The following SLC4A4 variants were observed in gnomAD, a reference collection of about 807,000 sequenced individuals.
SLC4A4 encodes electrogenic sodium bicarbonate cotransporter 1.
A neutral mutation model predicts 111.5 loss-of-function variants in SLC4A4; 27 were observed. That is an observed-to-expected ratio of 0.24 (90% CI 0.18 to 0.33). SLC4A4 has a LOEUF of 0.33. SLC4A4 is among the 10% of genes least tolerant of loss of function. SLC4A4 has a pLI of 1.00. For missense variants in SLC4A4, 909 were observed against 1,315.5 expected (o/e 0.69, Z 4.78); for synonymous variants, 443 against 463.4 (o/e 0.96, Z 0.57).
At chr4:71,399,157 G>T (rs2148981797) in intron 7 of SLC4A4, among the ~76,000 whole-genome samples, 1 of 152,256 alleles carries the variant, frequency 6.6e-6, no homozygotes, top group South Asian at 2.1e-4. Context: ...TTATATCAGA[G>T]TCTTTAGCAT....
intron 2 of SLC4A4, among the ~76,000 whole-genome samples, chr4:71,149,963 T>C (rs1744271426): frequency 6.6e-6 from 1 of 152,124 alleles, no homozygotes; most frequent in African/African-American, 2.4e-5. Flanking sequence ...ATGTTCTTTA[T>C]TTTTTTAAAA....
intron 23 of SLC4A4, among the ~76,000 whole-genome samples, chr4:71,561,899 G>T (rs892710786): frequency 5.3e-5 from 8 of 151,738 alleles, no homozygotes; most frequent in Non-Finnish European, 7.4e-5. Flanking sequence ...CAAATTTAAA[G>T]TTCATTACAC....
At chr4:71,472,108 C>G (rs571861967) in intron 13 of SLC4A4, among the ~76,000 whole-genome samples, 50 of 152,058 alleles carry the variant, frequency 3.3e-4, no homozygotes, top group African/African-American at 1.2e-3. Flanking sequence ...TGGCCTTGCT[C>G]TCTCTGGTCT....
At chr4:71,167,776 C>T (rs1744820869) in intron 2 of SLC4A4, among the ~76,000 whole-genome samples, 1 of 152,132 alleles carries the variant, frequency 6.6e-6, no homozygotes, top group African/African-American at 2.4e-5. Flanking sequence ...GAAAATGGCA[C>T]CATTTCCAAA....
At chr4:71,140,421 A>G (rs947614561) in intron 2 of SLC4A4, among the ~76,000 whole-genome samples, 5 of 151,988 alleles carry the variant, frequency 3.3e-5, no homozygotes, top group African/African-American at 1.2e-4. Context: ...ACCCTGTTGC[A>G]AAAACAAAAC....
intron 16 of SLC4A4, among the ~76,000 whole-genome samples, chr4:71,509,632 C>T (rs1731730239): frequency 6.6e-6 from 1 of 152,104 alleles, no homozygotes; most frequent in Non-Finnish European, 1.5e-5. Flanking sequence ...GAACTGGGAA[C>T]ATTTGTGCAT....
intron 2 of SLC4A4, among the ~76,000 whole-genome samples, chr4:71,164,233 A>C (rs1160901789): frequency 6.6e-6 from 1 of 152,086 alleles, no homozygotes; most frequent in Non-Finnish European, 1.5e-5. Flanking sequence ...ATAAAAAAAT[A>C]AGCTGGGCAT....
At chr4:71,270,121 C>T (rs929780786) in intron 3 of SLC4A4, among the ~76,000 whole-genome samples, 6 of 152,216 alleles carry the variant, frequency 3.9e-5, no homozygotes, top group Non-Finnish European at 4.4e-5. Context: ...AAGTCTCGCT[C>T]TTGTCCCCCA....
intron 6 of SLC4A4, among the ~76,000 whole-genome samples, chr4:71,373,765 G>T (rs1187479245): frequency 1.3e-5 from 2 of 152,164 alleles, no homozygotes; most frequent in Admixed American, 6.5e-5. Context: ...CTGGAAAAAG[G>T]ATTTAAGCTA....
chr4:71,232,930 G>A (rs1719539968), intron 1 of SLC4A4, among the ~76,000 whole-genome samples: 1 of 152,250 alleles, frequency 6.6e-6, no homozygotes, highest in Non-Finnish European at 1.5e-5. Flanking sequence ...GTTAATGTGA[G>A]CTAAACCACT....
At chr4:71,091,102 C>A (rs539579795) in intron 1 of SLC4A4, among the ~76,000 whole-genome samples, 18 of 152,286 alleles carry the variant, frequency 1.2e-4, no homozygotes, top group Admixed American at 5.2e-4. Context: ...TGCGCACCAC[C>A]ATACTCAGCT....
intron 7 of SLC4A4, among the ~76,000 whole-genome samples, chr4:71,433,524 T>C (rs1032389115): frequency 6.6e-6 from 1 of 152,126 alleles, no homozygotes; most frequent in Non-Finnish European, 1.5e-5. Context: ...TTGTAGATTC[T>C]GGATATTAGC....
At chr4:71,180,295 G>A (rs1745246517) in intron 2 of SLC4A4, among the ~76,000 whole-genome samples, 1 of 152,140 alleles carries the variant, frequency 6.6e-6, no homozygotes, top group African/African-American at 2.4e-5. Flanking sequence ...GCATGGGTAA[G>A]GACTTCATGT....
chr4:71,314,477 T>C (rs1726500733), intron 3 of SLC4A4, among the ~76,000 whole-genome samples: 2 of 152,186 alleles, frequency 1.3e-5, no homozygotes, highest in South Asian at 4.1e-4. Flanking sequence ...CGTATGTTTA[T>C]TGCAGTACTG....
chr4:71,145,081 C>G (rs1336922492), intron 2 of SLC4A4, among the ~76,000 whole-genome samples: 4 of 151,978 alleles, frequency 2.6e-5, no homozygotes, highest in South Asian at 2.1e-4. Flanking sequence ...ATTGGCTGTG[C>G]GTTTGTCATA....
intron 3 of SLC4A4, among the ~76,000 whole-genome samples, chr4:71,267,507 G>A (rs1166750386): frequency 6.6e-6 from 1 of 152,116 alleles, no homozygotes; most frequent in Non-Finnish European, 1.5e-5. Flanking sequence ...ATTGAGGAGA[G>A]TTCCATCTAA....
chr4:71,534,241 C>T lies in SLC4A4; in HGVS notation c.2295C>T (p.Asn765=). The T allele has an allele frequency of 1.9e-6, 3 of 1,613,548 alleles. No homozygotes were observed. The highest frequency in any genetic ancestry group is 2.2e-5 in the South Asian group (2 of 91,066). Residue 765 remains asparagine (N), a synonymous_variant, in exon 18 of 26, where the codon AAC becomes AAT. Transcript: ENST00000264485. ...TCTTTTTCAAGCCAACAAGTCCAAA[C>T]CGAGGTTGGTTCGTTCCACCGTTTG... ...VPSEFKPTSP[N]RGWFVPPFGE...
At chr4:71,214,041 T>C (rs2149014931) in intron 1 of SLC4A4, among the ~76,000 whole-genome samples, 1 of 152,332 alleles carries the variant, frequency 6.6e-6, no homozygotes, top group African/African-American at 2.4e-5. Context: ...TTATGCTTGT[T>C]CAGTTGGCCA....
intron 3 of SLC4A4, among the ~76,000 whole-genome samples, chr4:71,311,657 C>T (rs1726176434): frequency 6.6e-6 from 1 of 152,030 alleles, no homozygotes; most frequent in Non-Finnish European, 1.5e-5. Flanking sequence ...ACAAAACATA[C>T]TGGAATCTCT....
Sources: allele counts gnomAD v4.1 joint callset (sites outside exome capture counted in the v4.1 genomes callset), GRCh38; gene constraint gnomAD v4.1.1; transcripts MANE v1.5; gene names NCBI Gene and HGNC (gene_info 2026-07-23, HGNC 2026-07-21).